SUPT3H: variants seen among roughly 807,000 people sequenced by gnomAD.
SUPT3H encodes the protein transcription initiation protein SPT3 homolog.
Under a neutral mutation model 44.3 loss-of-function variants are expected in SUPT3H, and 44 were observed. The ratio of observed to expected loss-of-function variants is 0.99; its 90% CI spans 0.78 to 1.28. The LOEUF (loss-of-function observed/expected upper bound fraction) is 1.28. Ranked by LOEUF, SUPT3H falls within the 50% of genes most tolerant of loss-of-function variation. The pLI, the probability that SUPT3H is intolerant of heterozygous loss-of-function variation, is 0.00. For missense variants in SUPT3H, 380 were observed against 387.1 expected (o/e 0.98, Z 0.15); for synonymous variants, 124 against 125.6 (o/e 0.99, Z 0.09).
intron 2 of SUPT3H, among the ~76,000 whole-genome samples, chr6:45,133,270 T>C (rs774768206): frequency 2.6e-5 from 4 of 152,166 alleles, no homozygotes; most frequent in Non-Finnish European, 5.9e-5. Flanking sequence ...CCAACATACT[T>C]AGTTTCCTGC....
chr6:45,266,660 A>G (rs1775314156), intron 2 of SUPT3H, among the ~76,000 whole-genome samples: 1 of 152,112 alleles, frequency 6.6e-6, no homozygotes, highest in South Asian at 2.1e-4. Context: ...ACAACTTTTT[A>G]AAATCTTCTC....
chr6:45,094,859 A>T (rs1797596826), intron 3 of SUPT3H, among the ~76,000 whole-genome samples: 1 of 152,130 alleles, frequency 6.6e-6, no homozygotes, highest in Non-Finnish European at 1.5e-5. Flanking sequence ...TTTTTACTTA[A>T]GAAGTAAAAA....
intron 2 of SUPT3H, among the ~76,000 whole-genome samples, chr6:45,325,371 A>G (rs1042052886): frequency 2.6e-5 from 4 of 151,930 alleles, no homozygotes; most frequent in Admixed American, 6.6e-5. Flanking sequence ...AATGGTTACA[A>G]TGAAGACACA....
In SUPT3H at chr6:45,298,521, C is replaced by CT. The variant is rs1226029261; in HGVS notation, c.101+66679dup. Among the ~76,000 whole-genome samples, 180 of 144,292 alleles carry CT rather than the reference C, an allele frequency of 1.2e-3. 1 individual carries two copies. The highest frequency in any genetic ancestry group is 1.3e-3 in the Non-Finnish European group (86 of 65,382). The allele number at this position is 144,292 out of a possible 152,430, so 94.7% of individuals were successfully genotyped here. ...AAGAATATTCATTAAAATGTTATCT[C>CT]TTTTTTTTTTTTTGAGATGGAGTCA... On this transcript the variant is annotated intron_variant, in intron 2 of 10. Transcript: ENST00000371459.
At position 45,255,865 on chromosome 6, in the gene SUPT3H, A is replaced by G. The variant is rs959156389; in HGVS notation, c.101+109336T>C. Among the ~76,000 whole-genome samples the G allele has an allele frequency of 4.6e-5, 7 of 152,226 alleles. 1 individual carries two copies. The highest frequency in any genetic ancestry group is 4.6e-4 in the Admixed American group (7 of 15,284). On this transcript the variant is annotated intron_variant, in intron 2 of 10. Coordinates refer to ENST00000371459, the MANE Select transcript of SUPT3H (RefSeq NM_003599.4). ...CCACAGTCAATTTGAGGACATTTTT[A>G]TCACACAGAAAAAATAAAACTAGTG... is the stretch of plus-strand genomic sequence containing the variant.
At chr6:45,029,657 T>A (rs920645106) in intron 3 of SUPT3H, among the ~76,000 whole-genome samples, 1 of 152,200 alleles carries the variant, frequency 6.6e-6, no homozygotes, top group African/African-American at 2.4e-5. Context: ...AAGTTTTGAA[T>A]GTAAGCAAAG....
intron 10 of SUPT3H, among the ~76,000 whole-genome samples, chr6:44,844,875 G>T (rs971465221): frequency 6.6e-6 from 1 of 152,070 alleles, no homozygotes; most frequent in Non-Finnish European, 1.5e-5. Flanking sequence ...TATTTTAAAA[G>T]AATGAATTTT....
chr6:45,131,281 T>G (rs1803431385), intron 2 of SUPT3H, among the ~76,000 whole-genome samples: 1 of 152,120 alleles, frequency 6.6e-6, no homozygotes, highest in South Asian at 2.1e-4. Context: ...CTCATGAGAT[T>G]TTTTCCTCAG....
At chr6:45,106,703 A>G (rs2153571734) in intron 2 of SUPT3H, among the ~76,000 whole-genome samples, 1 of 152,010 alleles carries the variant, frequency 6.6e-6, no homozygotes, top group African/African-American at 2.4e-5. Context: ...CACCTGGCTA[A>G]TTTTTTATTT....
chr6:45,288,599 GTA>G (rs1423721314), intron 2 of SUPT3H, among the ~76,000 whole-genome samples: 3 of 32,438 alleles, frequency 9.2e-5, no homozygotes, highest in Non-Finnish European at 1.5e-4. Flanking sequence ...ATATATATGT[GTA>G]TATATATATA....
chr6:45,057,360 AAGCAATGTTTCC>A (rs1791289179), intron 3 of SUPT3H, among the ~76,000 whole-genome samples: 1 of 152,256 alleles, frequency 6.6e-6, no homozygotes, highest in African/African-American at 2.4e-5. Flanking sequence ...AAATTAAATA[AAGCAATGTTTCC>A]AGCAATGTTC....
At chr6:44,976,904 C>CG (rs773927710) in intron 6 of SUPT3H, among the ~76,000 whole-genome samples, 5 of 152,190 alleles carry the variant, frequency 3.3e-5, no homozygotes, top group African/African-American at 4.8e-5. Context: ...CCTCTGCAAT[C>CG]ATAAGTGCAA....
chr6:45,237,628 C>T (rs570959923), intron 2 of SUPT3H, among the ~76,000 whole-genome samples: 1 of 152,200 alleles, frequency 6.6e-6, no homozygotes, highest in East Asian at 1.9e-4. Flanking sequence ...TTGATGGCAG[C>T]CATTGTTAAG....
At chr6:44,819,123 G>A (rs1205813060) in intron 11 of SUPT3H, among the ~76,000 whole-genome samples, 1 of 152,062 alleles carries the variant, frequency 6.6e-6, no homozygotes, top group African/African-American at 2.4e-5. Flanking sequence ...CCATATGATG[G>A]AATATTACTC....
At chr6:44,854,519 T>A (rs1358200765) in intron 10 of SUPT3H, among the ~76,000 whole-genome samples, 1 of 152,166 alleles carries the variant, frequency 6.6e-6, no homozygotes, top group Non-Finnish European at 1.5e-5. Context: ...GTGGCATCAA[T>A]GTTACTGAAC....
intron 3 of SUPT3H, among the ~76,000 whole-genome samples, chr6:45,045,165 G>A (rs1244355591): frequency 6.6e-6 from 1 of 152,034 alleles, no homozygotes; most frequent in Non-Finnish European, 1.5e-5. Flanking sequence ...TACAGATACT[G>A]TCATATTATA....
intron 9 of SUPT3H, among the ~76,000 whole-genome samples, chr6:44,941,127 T>C (rs1420582995): frequency 6.6e-6 from 1 of 152,138 alleles, no homozygotes; most frequent in African/African-American, 2.4e-5. Flanking sequence ...AGTTGTTTGA[T>C]AAATTCTTTG....
intron 6 of SUPT3H, among the ~76,000 whole-genome samples, chr6:44,976,405 A>C (rs1582858002): frequency 6.6e-6 from 1 of 151,772 alleles, no homozygotes; most frequent in East Asian, 1.9e-4. Flanking sequence ...TCTGTTGCCC[A>C]GGCTGGAGTG....
chr6:45,261,808 TA>T, intron 2 of SUPT3H, among the ~76,000 whole-genome samples: 1 of 152,076 alleles, frequency 6.6e-6, no homozygotes, highest in Admixed American at 6.6e-5. Flanking sequence ...TCAAAAATGA[TA>T]TCACTCTATA....
Sources: allele counts gnomAD v4.1 joint callset (sites outside exome capture counted in the v4.1 genomes callset), GRCh38; gene constraint gnomAD v4.1.1; transcripts MANE v1.5; gene names NCBI Gene and HGNC (gene_info 2026-07-23, HGNC 2026-07-21).